Variants in C3orf22 observed in about 807,000 individuals in gnomAD.
The protein encoded by C3orf22 is chromosome 3 open reading frame 22.
C3orf22 carries 7 observed loss-of-function variants against 10.8 expected under a neutral mutation model. That is an observed-to-expected ratio of 0.65 (90% confidence interval 0.37 to 1.22). C3orf22 has a LOEUF of 1.22. Among genes scored for constraint, C3orf22 ranks in the 50% most tolerant of loss-of-function variants. The pLI is 0.02. For missense variants in C3orf22, 173 were observed against 177.0 expected (o/e 0.98, Z 0.13); for synonymous variants, 79 against 78.9 (o/e 1.00, Z 0.00).
chr3:126,550,055 G>A lies in C3orf22; in HGVS notation c.239C>T (p.Ser80Leu). Residue 80 changes from serine to leucine, a missense_variant, in exon 4 of 4, where the codon TCA becomes TTA. Transcript: ENST00000318225. Reference protein sequence around the residue: ...VRGLGAPDFTSPSGSCPAPLP... With the variant: ...VRGLGAPDFTLPSGSCPAPLP... ...TGGTGCCGGGCAGGAGCCAGACGGT[G>A]ATGTAAAATCTGGAGCCCCGAGCCT... is the stretch of plus-strand genomic sequence containing the variant. The A allele has an allele frequency of 6.2e-7, 1 of 1,613,924 alleles. No homozygotes were observed. The highest frequency in any genetic ancestry group is 8.5e-7 in the Non-Finnish European group (1 of 1,179,890).
At chr3:126,546,527 T>C (rs1292336657), downstream of C3orf22, among the ~76,000 whole-genome samples, 1 of 151,980 alleles carries the variant, frequency 6.6e-6, no homozygotes, top group East Asian at 1.9e-4. Flanking sequence ...AGTGTCCTCA[T>C]AAGCAGAGCC....
chr3:126,556,977 C>T (rs1187946421), intron 1 of C3orf22, among the ~76,000 whole-genome samples: 1 of 147,168 alleles, frequency 6.8e-6, no homozygotes, highest in Non-Finnish European at 1.5e-5. Context: ...GATTCACATA[C>T]ACACACATAC....
rs1283925671 is a variant in C3orf22, at chr3:126,542,506, C to T, written c.286+7031G>A. 4 of 1,568,568 alleles carry T rather than the reference C, an allele frequency of 2.6e-6. No individual in the cohort carries two copies. The South Asian group carries it at 3.6e-5, about 14-fold the overall frequency. On this transcript the variant is annotated intron_variant and NMD_transcript_variant, in intron 4 of 5. Transcript: ENST00000505070. The stretch of plus-strand genomic sequence containing the variant: ...ACATCAGCCCCTTCTACCAGCGGCG[C>T]CTCTTCGACCTCTACAAGATGGACT...
chr3:126,544,185 G>C (rs182575547), intron 4 of C3orf22, among the ~76,000 whole-genome samples: 2 of 152,048 alleles, frequency 1.3e-5, no homozygotes, highest in African/African-American at 4.8e-5. Context: ...GAGTGGGACC[G>C]GTGGCTTTAT....
intron 4 of C3orf22, among the ~76,000 whole-genome samples, chr3:126,540,932 T>C (rs1393943835): frequency 6.6e-6 from 1 of 152,236 alleles, no homozygotes; most frequent in African/African-American, 2.4e-5. Context: ...TAAAACACTT[T>C]CTTTTATGAA....
rs998566202 is a variant in C3orf22, at chr3:126,529,469, C to T, written c.287-97G>A. The T allele has an allele frequency of 1.5e-5, 17 of 1,129,632 alleles. No homozygotes were observed. In the African/African-American group the frequency reaches 2.8e-4, roughly 18 times the overall value. The allele number at this position is 1,129,632 out of a possible 1,614,324, so 70.0% of individuals were successfully genotyped here. On this transcript the variant is annotated intron_variant and NMD_transcript_variant, in intron 4 of 5. Transcript: ENST00000505070. ...AGGGTGCAGATGCTGGCACCGGTGG[C>T]CTGGGGTCAAATTCTGTTTCTGGCA... is the stretch of plus-strand genomic sequence containing the variant.
chr3:126,539,248 A>G (rs1045483732), intron 4 of C3orf22, among the ~76,000 whole-genome samples: 1 of 152,126 alleles, frequency 6.6e-6, no homozygotes, highest in African/African-American at 2.4e-5. Context: ...GTCTGAACGT[A>G]TCTCTAAAAT....
chr3:126,554,212 T>G (rs2107583772), intron 1 of C3orf22, among the ~76,000 whole-genome samples: 1 of 152,040 alleles, frequency 6.6e-6, no homozygotes, highest in South Asian at 2.1e-4. Flanking sequence ...GGGGTCTAAC[T>G]ATATTGCCCA....
At chr3:126,534,098 G>A (rs1047772680) in intron 4 of C3orf22, among the ~76,000 whole-genome samples, 2 of 152,046 alleles carry the variant, frequency 1.3e-5, no homozygotes, top group African/African-American at 2.4e-5. Context: ...AGTAATTTGA[G>A]TCTTTTCTAT....
chr3:126,528,826 G>T (rs970320243), intron 5 of C3orf22, among the ~76,000 whole-genome samples: 1 of 152,206 alleles, frequency 6.6e-6, no homozygotes, highest in Admixed American at 6.5e-5. Flanking sequence ...TACATGAAGG[G>T]CTTGTCCAAT....
At chr3:126,539,846 ATC>A (rs1936906025) in intron 4 of C3orf22, among the ~76,000 whole-genome samples, 1 of 1,734 alleles carries the variant, frequency 5.8e-4, no homozygotes, top group Non-Finnish European at 1.2e-3. Flanking sequence ...CACCACACAC[ATC>A]ACACACACAC....
At chr3:126,530,437 T>G (rs1576747602) in intron 4 of C3orf22, among the ~76,000 whole-genome samples, 1 of 152,102 alleles carries the variant, frequency 6.6e-6, no homozygotes, top group Admixed American at 6.5e-5. Context: ...CAGGCCTGGG[T>G]CGGCTTCTCA....
downstream of C3orf22, among the ~76,000 whole-genome samples, chr3:126,545,806 CGTT>C (rs1228173778): frequency 6.6e-6 from 1 of 152,096 alleles, no homozygotes; most frequent in Non-Finnish European, 1.5e-5. Flanking sequence ...TGATGACAGT[CGTT>C]TAAGGTGTTT....
At chr3:126,542,202 G>A (rs762683252) in intron 4 of C3orf22, 6 of 1,446,624 alleles carry the variant, frequency 4.1e-6, no homozygotes, top group Non-Finnish European at 3.6e-6. Context: ...CCCGACGCCC[G>A]GGCCCGCGGC....
chr3:126,535,369 A>G (rs1936760308), intron 4 of C3orf22, among the ~76,000 whole-genome samples: 1 of 146,864 alleles, frequency 6.8e-6, no homozygotes, highest in South Asian at 2.2e-4. Context: ...CACAGACAGC[A>G]TCGCTGTCCC....
At position 126,556,222 on chromosome 3, in the gene C3orf22, G is replaced by A. The variant is rs114248885; in HGVS notation, c.-41+2405C>T. Among the ~76,000 whole-genome samples the A allele has an allele frequency of 7.2e-3, 1,101 of 152,216 alleles. 9 individuals carry two copies. The highest frequency in any genetic ancestry group is 0.019 in the African/African-American group (802 of 41,544). ...GGAGGCCAGGCCTTTGACTCCCTCC[G>A]GCTGCAGAGATGCACTAGGCCATGC... On this transcript the variant is annotated intron_variant, in intron 1 of 3. Coordinates refer to ENST00000318225, the MANE Select transcript of C3orf22 (RefSeq NM_152533.3).
chr3:126,539,985 C>A (rs2107572371), intron 4 of C3orf22, among the ~76,000 whole-genome samples: 1 of 147,110 alleles, frequency 6.8e-6, no homozygotes, highest in Middle Eastern at 3.4e-3. Flanking sequence ...GCCACACACG[C>A]ATGACACACA....
intron 4 of C3orf22, chr3:126,541,967 T>G (rs1936968012): frequency 6.3e-7 from 1 of 1,582,006 alleles, no homozygotes; most frequent in Non-Finnish European, 8.6e-7. Context: ...GCGCGCCATC[T>G]CCGCGCAAGA....
chr3:126,555,704 G>A (rs1049773292), intron 1 of C3orf22, among the ~76,000 whole-genome samples: 4 of 152,110 alleles, frequency 2.6e-5, no homozygotes, highest in African/African-American at 9.7e-5. Context: ...CCATGAAACC[G>A]TGGTGCCAAA....
Sources: allele counts gnomAD v4.1 joint callset (sites outside exome capture counted in the v4.1 genomes callset), GRCh38; gene constraint gnomAD v4.1.1; transcripts MANE v1.5; gene names NCBI Gene and HGNC (gene_info 2026-07-23, HGNC 2026-07-21).